FGF12: variants seen among roughly 807,000 people sequenced by gnomAD.
FGF12 encodes fibroblast growth factor 12.
FGF12 carries 14 observed loss-of-function variants against 23.6 expected under a neutral mutation model. That is an observed-to-expected ratio of 0.59 (90% CI 0.39 to 0.93). The LOEUF is 0.93. Ranked by LOEUF, FGF12 falls within the 40% of genes least tolerant of loss-of-function variation. The probability of loss-of-function intolerance (pLI) is 0.00; values close to 1 mark genes in which losing one functional copy is unlikely to be tolerated. For synonymous variants in FGF12, 62 were observed against 77.3 expected (o/e 0.80, Z 1.04); for missense variants, 175 against 217.8 (o/e 0.80, Z 1.24).
At chr3:192,698,419 A>G (rs1718191721) in intron 2 of FGF12, among the ~76,000 whole-genome samples, 1 of 152,206 alleles carries the variant, frequency 6.6e-6, no homozygotes, top group Non-Finnish European at 1.5e-5. Flanking sequence ...ATCACAAAAT[A>G]CAGGAATTAC....
chr3:192,647,713 A>T (rs999651730), intron 2 of FGF12, among the ~76,000 whole-genome samples: 3 of 139,650 alleles, frequency 2.1e-5, no homozygotes, highest in African/African-American at 7.8e-5. Flanking sequence ...GTATATATAC[A>T]TATATATATA....
intron 2 of FGF12, among the ~76,000 whole-genome samples, chr3:192,610,469 T>C (rs1167461366): frequency 6.6e-6 from 1 of 152,058 alleles, no homozygotes; most frequent in Non-Finnish European, 1.5e-5. Context: ...ACATAAAATC[T>C]GGCCACTGTT....
intron 2 of FGF12, among the ~76,000 whole-genome samples, chr3:192,637,186 A>G (rs74786214): frequency 0.097 from 14,716 of 152,214 alleles, 899 homozygotes; most frequent in Non-Finnish European, 0.14. Flanking sequence ...TGGTTTTATA[A>G]TGACACTTCA....
At chr3:192,707,362 G>A (rs1269219828) in intron 2 of FGF12, among the ~76,000 whole-genome samples, 1 of 152,166 alleles carries the variant, frequency 6.6e-6, no homozygotes, top group Non-Finnish European at 1.5e-5. Context: ...GGCACATCCA[G>A]TCTTTGTCAA....
rs780796207 is a variant in FGF12, at chr3:192,362,482, G to A, written c.14-1944C>T. ...AATTCCCACCTATGAGTGAGAACAC[G>A]CAGTGTTTGGTTTTCTGTCCTTGCT... On this transcript the variant is annotated intron_variant, in intron 2 of 5. Coordinates refer to ENST00000445105, the MANE Select transcript of FGF12 (RefSeq NM_004113.6). Among the ~76,000 whole-genome samples the A allele has an allele frequency of 2.0e-5, 3 of 151,068 alleles. No individual in the cohort carries two copies. The Admixed American group carries it at 2.0e-4, about 10-fold the overall frequency.
At chr3:192,597,601 A>G (rs115715165) in intron 2 of FGF12, among the ~76,000 whole-genome samples, 327 of 152,332 alleles carry the variant, frequency 2.1e-3, no homozygotes, top group Non-Finnish European at 3.4e-3. Flanking sequence ...AAATATACAT[A>G]ATTATAGTCT....
intron 2 of FGF12, among the ~76,000 whole-genome samples, chr3:192,688,198 C>T (rs908734956): frequency 2.0e-5 from 3 of 152,088 alleles, no homozygotes; most frequent in East Asian, 1.9e-4. Context: ...CCACCAAGAA[C>T]GACCTAATTG....
intron 4 of FGF12, among the ~76,000 whole-genome samples, chr3:192,283,248 CTATTTATGTTATT>C (rs1560050871): frequency 6.6e-6 from 1 of 152,054 alleles, no homozygotes; most frequent in Non-Finnish European, 1.5e-5. Flanking sequence ...AGAACTATTA[CTATTTATGTTATT>C]TATAATAGTA....
chr3:192,530,822 A>ATT (rs56699927), intron 2 of FGF12, among the ~76,000 whole-genome samples: 134 of 148,770 alleles, frequency 9.0e-4, no homozygotes, highest in African/African-American at 3.2e-3. Context: ...TTGCATTTTA[A>ATT]TTTTTTTTTT....
intron 2 of FGF12, among the ~76,000 whole-genome samples, chr3:192,381,194 G>A (rs1357707898): frequency 1.3e-5 from 2 of 152,040 alleles, no homozygotes; most frequent in African/African-American, 4.8e-5. Flanking sequence ...CATCTTGACA[G>A]ACACATTTCT....
At chr3:192,703,360 C>T (rs1718363969) in intron 2 of FGF12, among the ~76,000 whole-genome samples, 1 of 152,196 alleles carries the variant, frequency 6.6e-6, no homozygotes, top group Non-Finnish European at 1.5e-5. Flanking sequence ...GAAAACACAT[C>T]ATTGCTAAAA....
At chr3:192,520,057 A>G (rs1449144802) in intron 2 of FGF12, among the ~76,000 whole-genome samples, 2 of 152,236 alleles carry the variant, frequency 1.3e-5, no homozygotes, top group Non-Finnish European at 2.9e-5. Context: ...GGAGAACAAT[A>G]GCAACCAACA....
At chr3:192,332,599 C>T (rs1212331694) in intron 4 of FGF12, among the ~76,000 whole-genome samples, 1 of 152,108 alleles carries the variant, frequency 6.6e-6, no homozygotes, top group Non-Finnish European at 1.5e-5. Flanking sequence ...TCTCCTCCTG[C>T]TTCCTGGTGA....
intron 2 of FGF12, among the ~76,000 whole-genome samples, chr3:192,412,611 A>G (rs1366629733): frequency 1.3e-5 from 2 of 152,230 alleles, no homozygotes; most frequent in South Asian, 2.1e-4. Context: ...CATCAGCATA[A>G]TTTACTCCAT....
At chr3:192,388,159 G>T (rs557208308) in intron 2 of FGF12, among the ~76,000 whole-genome samples, 3 of 152,096 alleles carry the variant, frequency 2.0e-5, no homozygotes, top group Non-Finnish European at 4.4e-5. Flanking sequence ...TACTTGGGAG[G>T]TTGAGGCAGG....
chr3:192,270,388 T>C (rs1294798386), intron 4 of FGF12, among the ~76,000 whole-genome samples: 1 of 152,144 alleles, frequency 6.6e-6, no homozygotes, highest in Admixed American at 6.5e-5. Context: ...TATTCCACTA[T>C]ATCAACATTT....
chr3:192,252,462 C>CAAAAAAAAAAAAAAAAAAAAAA (rs56920518), intron 4 of FGF12, among the ~76,000 whole-genome samples: 6 of 27,506 alleles, frequency 2.2e-4, no homozygotes, highest in Non-Finnish European at 3.4e-4. Context: ...GAATCTGTCT[C>CAAAAAAAAAAAAAAAAAAAAAA]AAAAAAAAAA....
At chr3:192,424,732 T>G (rs1721641234) in intron 2 of FGF12, among the ~76,000 whole-genome samples, 1 of 152,086 alleles carries the variant, frequency 6.6e-6, no homozygotes, top group Non-Finnish European at 1.5e-5. Flanking sequence ...CAACGTTTAT[T>G]CTTAGCAATG....
chr3:192,209,036 A>G lies in FGF12; in HGVS notation c.229-38380T>C, dbSNP rs572482562. On this transcript the variant is annotated intron_variant, in intron 4 of 5. Transcript: ENST00000445105. Reference sequence around the variant, plus strand: ...ACAACACACGTTTTTATACTTGGCTACATTACTTAAAAAGTTAGACAATAT... The same window carrying G: ...ACAACACACGTTTTTATACTTGGCTGCATTACTTAAAAAGTTAGACAATAT... 2.0e-5 allele frequency among the ~76,000 whole-genome samples: 3 copies of G among 152,332 alleles called. No homozygotes were observed. In the South Asian group the frequency reaches 6.2e-4, roughly 32 times the overall value.
Sources: allele counts gnomAD v4.1 joint callset (sites outside exome capture counted in the v4.1 genomes callset), GRCh38; gene constraint gnomAD v4.1.1; transcripts MANE v1.5; gene names NCBI Gene and HGNC (gene_info 2026-07-23, HGNC 2026-07-21).